Variants in SCARA5 observed in about 807,000 individuals in gnomAD.
The protein encoded by SCARA5 is scavenger receptor class A member 5.
A neutral mutation model predicts 46.3 loss-of-function variants in SCARA5; 45 were observed. The ratio of observed to expected loss-of-function variants is 0.97; its 90% confidence interval spans 0.76 to 1.24. The LOEUF (loss-of-function observed/expected upper bound fraction) is 1.24. Ranked by LOEUF, SCARA5 falls within the 50% of genes most tolerant of loss-of-function variation. SCARA5 has a pLI of 0.00. For synonymous variants in SCARA5, 333 were observed against 306.5 expected, an observed-to-expected ratio of 1.09 and a Z score of -0.90; for missense variants, 680 against 689.0, an observed-to-expected ratio of 0.99 and a Z score of 0.15.
chr8:27,965,311 C>T (rs1429855532), intron 3 of SCARA5, among the ~76,000 whole-genome samples: 1 of 152,248 alleles, frequency 6.6e-6, no homozygotes, highest in African/African-American at 2.4e-5. Context: ...TCTGTAAGGG[C>T]TGGACCTCCA....
intron 4 of SCARA5, 61 bp from the exon 5 acceptor site, chr8:27,909,804 T>A: frequency 8.4e-7 from 1 of 1,197,206 alleles, no homozygotes. Flanking sequence ...GACCAGGTCA[T>A]CTGTAGAGGA....
intron 7 of SCARA5, among the ~76,000 whole-genome samples, chr8:27,898,074 A>C (rs1381260784): frequency 6.6e-6 from 1 of 152,246 alleles, no homozygotes; most frequent in East Asian, 1.9e-4. Context: ...GATGAAAGTA[A>C]TACAACGAGC....
intron 3 of SCARA5, among the ~76,000 whole-genome samples, chr8:27,943,910 G>C (rs1322721777): frequency 6.6e-6 from 1 of 152,168 alleles, no homozygotes. Context: ...ATAAAAGATA[G>C]CTTTACAGTA....
rs989438408 is a variant in SCARA5, at chr8:27,894,813, T to C, written c.1153+9965A>G. On this transcript the variant is annotated intron_variant, in intron 7 of 8. Transcript: ENST00000354914. ...TGAAGGGGGCCACCATTCTGCATCCTTGTGGTTCCAAATCACATCCCTGCA... is the reference window on the plus strand; with the variant it reads ...TGAAGGGGGCCACCATTCTGCATCCCTGTGGTTCCAAATCACATCCCTGCA... Among the ~76,000 whole-genome samples, 7 of 152,328 alleles carry C rather than the reference T, an allele frequency of 4.6e-5. No individual in the cohort carries two copies. In the South Asian group the frequency reaches 6.2e-4, roughly 14 times the overall value.
intron 4 of SCARA5, among the ~76,000 whole-genome samples, chr8:27,911,154 A>G (rs2685350): frequency 2.6e-5 from 4 of 152,060 alleles, no homozygotes; most frequent in Non-Finnish European, 4.4e-5. Context: ...CTCACTGCCC[A>G]CTCCTTGCAA....
chr8:27,960,177 C>CTT (rs11299595), intron 3 of SCARA5, among the ~76,000 whole-genome samples: 8 of 145,112 alleles, frequency 5.5e-5, no homozygotes, highest in African/African-American at 2.0e-4. Context: ...TTCTGGAGCA[C>CTT]TTTTTTTTTT....
intron 3 of SCARA5, among the ~76,000 whole-genome samples, chr8:27,948,095 C>T (rs1315981951): frequency 6.6e-6 from 1 of 152,068 alleles, no homozygotes; most frequent in African/African-American, 2.4e-5. Flanking sequence ...TGTCACTGAC[C>T]CTTACACTTA....
In SCARA5 at chr8:27,907,249, G is replaced by T. The variant is rs779065489; in HGVS notation, c.998-3C>A. 1 of 1,609,066 alleles carries T rather than the reference G, an allele frequency of 6.2e-7. No homozygotes were observed. The highest frequency in any genetic ancestry group is 1.1e-5 in the South Asian group (1 of 90,584). On this transcript the variant is annotated splice_polypyrimidine_tract_variant and splice_region_variant and intron_variant, in intron 5 of 8. Coordinates refer to ENST00000354914, the MANE Select transcript of SCARA5 (RefSeq NM_173833.6). Reference sequence around the variant, plus strand: ...GGTACCTCTCTCCCCGGGCAGACCTGGGGAGAAAACAGACAAATGGCAGAG... The same window carrying T: ...GGTACCTCTCTCCCCGGGCAGACCTTGGGAGAAAACAGACAAATGGCAGAG...
intron 5 of SCARA5, 36 bp from the exon 6 acceptor site, chr8:27,907,282 T>A: frequency 6.6e-7 from 1 of 1,508,334 alleles, no homozygotes; most frequent in South Asian, 1.1e-5. Flanking sequence ...GAGCCTCAGA[T>A]GCAGAACAGG....
At chr8:27,911,345 G>A (rs1807371656) in intron 4 of SCARA5, among the ~76,000 whole-genome samples, 1 of 152,140 alleles carries the variant, frequency 6.6e-6, no homozygotes, top group African/African-American at 2.4e-5. Flanking sequence ...CCCTATACCT[G>A]CTGTGAAGAC....
At chr8:27,923,975 C>A (rs1807642222) in intron 3 of SCARA5, among the ~76,000 whole-genome samples, 1 of 152,192 alleles carries the variant, frequency 6.6e-6, no homozygotes, top group Admixed American at 6.5e-5. Context: ...TGGTTATAAG[C>A]AGCTATTGCA....
At chr8:27,965,211 C>G (rs1454151725) in intron 3 of SCARA5, among the ~76,000 whole-genome samples, 2 of 152,208 alleles carry the variant, frequency 1.3e-5, no homozygotes, top group African/African-American at 4.8e-5. Context: ...ATTACATCAC[C>G]CAACTGACTA....
chr8:27,876,977 G>A (rs994751361), intron 8 of SCARA5, among the ~76,000 whole-genome samples: 1 of 152,092 alleles, frequency 6.6e-6, no homozygotes, highest in African/African-American at 2.4e-5. Flanking sequence ...CCTCCTCTCG[G>A]CCCCATGACT....
chr8:27,900,866 G>GA (rs956724090), intron 7 of SCARA5, among the ~76,000 whole-genome samples: 11 of 142,804 alleles, frequency 7.7e-5, no homozygotes, highest in African/African-American at 2.6e-4. Flanking sequence ...GCCCTTGACT[G>GA]AAAAAAACCT....
intron 4 of SCARA5, among the ~76,000 whole-genome samples, chr8:27,919,990 G>A (rs1032399321): frequency 9.9e-5 from 15 of 151,404 alleles, no homozygotes; most frequent in Middle Eastern, 3.4e-3. Flanking sequence ...CTTTGAGCAG[G>A]GGGATGACGT....
rs562382467 is a variant in SCARA5, at chr8:27,943,824, T to C, written c.242-21579A>G. On this transcript the variant is annotated intron_variant, in intron 3 of 8. Transcript: ENST00000354914. ...GTAAGTGGATGCTAAAATCATGGAG[T>C]GAAGGATTGCTGGCAATCAGTGTAT... 3.3e-5 allele frequency among the ~76,000 whole-genome samples: 5 copies of C among 152,246 alleles called. No individual in the cohort carries two copies. In the East Asian group the frequency reaches 9.6e-4, roughly 29 times the overall value.
At chr8:27,931,451 A>T (rs1807771368) in intron 3 of SCARA5, among the ~76,000 whole-genome samples, 1 of 149,732 alleles carries the variant, frequency 6.7e-6, no homozygotes, top group African/African-American at 2.5e-5. Context: ...CCAGTGCCTC[A>T]CCCCTCCTCT....
intron 2 of SCARA5, among the ~76,000 whole-genome samples, chr8:27,980,219 G>A (rs557712627): frequency 6.6e-6 from 1 of 150,970 alleles, no homozygotes; most frequent in South Asian, 2.1e-4. Flanking sequence ...ATGAAGAAAT[G>A]AATGAATGAG....
intron 2 of SCARA5, among the ~76,000 whole-genome samples, chr8:27,969,819 T>G (rs1808421718): frequency 6.6e-6 from 1 of 152,162 alleles, no homozygotes; most frequent in Admixed American, 6.5e-5. Context: ...CTGACACTAC[T>G]ATTAAAAAAC....
Sources: allele counts gnomAD v4.1 joint callset (sites outside exome capture counted in the v4.1 genomes callset), GRCh38; gene constraint gnomAD v4.1.1; transcripts MANE v1.5; gene names NCBI Gene and HGNC (gene_info 2026-07-23, HGNC 2026-07-21).